The following HRAS variants were observed in gnomAD, a reference collection of about 807,000 sequenced individuals.
HRAS encodes the protein HRas proto-oncogene, GTPase, also known as GTPase HRas.
HRAS carries 11 observed loss-of-function variants against 19.8 expected under a neutral mutation model. That is an observed-to-expected ratio of 0.55 (90% CI 0.35 to 0.92). The LOEUF (loss-of-function observed/expected upper bound fraction) is 0.92, where lower values mean the gene tolerates loss of function less well. Ranked by LOEUF, HRAS falls within the 40% of genes least tolerant of loss-of-function variation. The pLI is 0.01. For synonymous variants in HRAS, 149 were observed against 105.5 expected, an observed-to-expected ratio of 1.41 and a Z score of -2.52; for missense variants, 204 against 255.9, an observed-to-expected ratio of 0.80 and a Z score of 1.38.
intron 4 of HRAS, among the ~76,000 whole-genome samples, chr11:532,979 C>A (rs114143453): frequency 6.6e-6 from 1 of 152,212 alleles, no homozygotes; most frequent in African/African-American, 2.4e-5. Context: ...CAGGGTGGCC[C>A]GGGGCCCTCC....
At chr11:532,594 C>T (rs772963290) in intron 5 of HRAS, 37 bp downstream of exon 5, 18 of 1,595,834 alleles carry the variant, frequency 1.1e-5, no homozygotes, top group African/African-American at 8.0e-5. Context: ...CGGGGTCATC[C>T]GGTGGGCGTG....
chr11:534,096 G>T (rs1851303558), intron 2 of HRAS, 116 bp downstream of exon 2: 16 of 1,169,682 alleles, frequency 1.4e-5, no homozygotes, highest in Non-Finnish European at 2.0e-5. Flanking sequence ...GAGGAAGCAG[G>T]AGACAGGGCC....
intron 4 of HRAS, 28 bp from the exon 5 acceptor site, chr11:532,783 G>A (rs1851186265): frequency 1.2e-6 from 2 of 1,609,550 alleles, no homozygotes; most frequent in South Asian, 1.1e-5. Flanking sequence ...GGATCAGGAG[G>A]GACCGGCCTG....
At chr11:535,284 ACCCACCCGCCGCCGCCGCCGCCGCCG>A (rs1192437484) in intron 1 of HRAS, 106 bp downstream of exon 1, 1 of 67,706 alleles carries the variant, frequency 1.5e-5, no homozygotes, top group East Asian at 3.4e-4. Context: ...GCCCGGCCCC[ACCCACCCGCCGCCGCCGCCGCCGCCG>A]CCGCTTACGC....
intron 1 of HRAS, chr11:534,737 G>C (rs568142856): frequency 4.1e-6 from 1 of 246,112 alleles, no homozygotes; most frequent in Non-Finnish European, 8.1e-6. Flanking sequence ...GTCTGGCCAC[G>C]GCGGAGCGCG....
chr11:533,350 G>A, intron 4 of HRAS, 103 bp downstream of exon 4: 1 of 1,606,084 alleles, frequency 6.2e-7, no homozygotes, highest in Non-Finnish European at 8.5e-7. Context: ...TAGAGCCAGA[G>A]CGGCTGCCCT....
At chr11:533,641 C>T (rs746444701) in intron 3 of HRAS, 29 bp from the exon 4 acceptor site, 4 of 1,613,314 alleles carry the variant, frequency 2.5e-6, no homozygotes, top group East Asian at 2.2e-5. Flanking sequence ...GAGCTGGCTA[C>T]GGGGGCTGCA....
chr11:533,194 C>A, intron 4 of HRAS: 1 of 1,247,160 alleles, frequency 8.0e-7, no homozygotes, highest in Non-Finnish European at 1.1e-6. Context: ...TTCCCCGGAG[C>A]TGTGTCGGCC....
Position 534,100 on chromosome 11 carries a change from C to G in HRAS, c.111+112G>C, listed in dbSNP as rs888029805. 89 of 1,164,792 alleles carry G rather than the reference C, an allele frequency of 7.6e-5. No individual in the cohort carries two copies. The African/African-American group carries it at 1.1e-3, about 14-fold the overall frequency. The allele number at this position is 1,164,792 out of a possible 1,614,324, so 72.2% of individuals were successfully genotyped here. Reference sequence around the variant, plus strand: ...CCCCTCCTCTAGAGGAAGCAGGAGACAGGGCCACAGCACCATGCAGGGGAC... The same window carrying G: ...CCCCTCCTCTAGAGGAAGCAGGAGAGAGGGCCACAGCACCATGCAGGGGAC... On this transcript the variant is annotated intron_variant, in intron 2 of 5. Transcript: ENST00000311189.
chr11:534,560 C>T (rs1851339341), intron 1 of HRAS, 185 bp from the exon 2 acceptor site: 1 of 588,820 alleles, frequency 1.7e-6, no homozygotes, highest in African/African-American at 1.9e-5. Context: ...TGTCGCCTCG[C>T]CCCCACTTGC....
rs994042792 is a variant in HRAS, at chr11:533,675, C to T, written c.291-63G>A. On this transcript the variant is annotated intron_variant, in intron 3 of 5. Transcript: ENST00000311189. ...CAGGCGCAGCGGCATCCAGGACATG[C>T]GCAGAGAGGACAGGAGGCCCCTGCC... The T allele has an allele frequency of 3.7e-6, 6 of 1,612,002 alleles. No homozygotes were observed. The Admixed American group carries it at 8.3e-5, about 22-fold the overall frequency.
intron 4 of HRAS, chr11:533,185 T>G: frequency 1.7e-6 from 2 of 1,182,766 alleles, no homozygotes; most frequent in Non-Finnish European, 2.3e-6. Flanking sequence ...ACCTCCGCCT[T>G]CCCCGGAGCT....
intron 1 of HRAS, among the ~76,000 whole-genome samples, chr11:534,812 G>A (rs1391604013): frequency 6.6e-6 from 1 of 152,222 alleles, no homozygotes; most frequent in Non-Finnish European, 1.5e-5. Context: ...CCTCCGACAA[G>A]TATTTGCTGA....
rs942936808 is a variant in HRAS, at chr11:532,486, C to A, written c.*42G>T. Reference sequence around the variant, plus strand: ...TTCCTCCTCCTTCCGTCTGCACCTCCTTCCTGCATCCGGCACCTCCATGTC... The same window carrying A: ...TTCCTCCTCCTTCCGTCTGCACCTCATTCCTGCATCCGGCACCTCCATGTC... On this transcript the variant is annotated 3_prime_UTR_variant, in exon 6 of 6. Coordinates refer to ENST00000311189, the MANE Select transcript of HRAS (RefSeq NM_005343.4). 1 of 1,078,778 alleles carries A rather than the reference C, an allele frequency of 9.3e-7. No homozygotes were observed. The highest frequency in any genetic ancestry group is 2.2e-5 in the Admixed American group (1 of 45,974). 66.8% of individuals were successfully genotyped at this position (1,078,778 alleles called of 1,614,324 possible). A position where few individuals can be genotyped will look rare whatever the true frequency, so the allele number is the denominator to read the frequency against.
rs1028352031 is a variant in HRAS, at chr11:533,922, A to T, written c.134T>A (p.Val45Asp). ...CAACAGGCACGTCTCCCCATCAATG[A>T]CCACCTGCTTCCGGTAGGAATCCTG... ...TIEDSYRKQV[V>D]IDGETCLLDI... The change falls in exon 3 of 6, where the codon GTC (valine) becomes GAC (aspartate). Residue 45 changes from valine (V) to aspartate (D), a missense_variant. Val to Asp is a radical substitution (Grantham distance 152). Coordinates refer to ENST00000311189, the MANE Select transcript of HRAS (RefSeq NM_005343.4). The T allele has an allele frequency of 3.1e-6, 5 of 1,612,438 alleles. No individual in the cohort carries two copies. Among genetic ancestry groups the T allele is most frequent in the Non-Finnish European group, 4.2e-6 (5 of 1,179,954 alleles).
chr11:533,176 C>T (rs1851211667), intron 4 of HRAS: 3 of 1,104,894 alleles, frequency 2.7e-6, no homozygotes, highest in Admixed American at 2.5e-5. Context: ...TCCCCAAGGA[C>T]CTCCGCCTTC....
rs1190177243 is a variant in HRAS, at chr11:533,751, C to T, written c.290+15G>A. On this transcript the variant is annotated intron_variant, in intron 3 of 5. Transcript: ENST00000311189. ...TGTGCGGCGTGGGCTCCCGGGCCAG[C>T]CTCACGGGGTTCACCTGTACTGGTG... is the stretch of plus-strand genomic sequence containing the variant. 1.9e-6 allele frequency: 3 copies of T among 1,613,106 alleles called. No individual in the cohort carries two copies. The East Asian group carries it at 6.7e-5, about 36-fold the overall frequency.
rs898057728 is a variant in HRAS at position 533,861 on chromosome 11, G to A, written c.195C>T (p.Ser65=). 2 of 1,613,304 alleles carry A rather than the reference G, an allele frequency of 1.2e-6. No homozygotes were observed. Among genetic ancestry groups the A allele is most frequent in the African/African-American group, 1.3e-5 (1 of 75,048 alleles). Residue 65 remains serine, a synonymous_variant, in exon 3 of 6, where the codon AGC becomes AGT. Transcript: ENST00000311189. ...ILDTAGQEEY[S]AMRDQYMRTG... Reference sequence around the variant, plus strand: ...TGCGCATGTACTGGTCCCGCATGGCGCTGTACTCCTCCTGGCCGGCGGTAT... The same window carrying A: ...TGCGCATGTACTGGTCCCGCATGGCACTGTACTCCTCCTGGCCGGCGGTAT...
rs1851272766 is a variant in HRAS at position 533,795 on chromosome 11, G to A, written c.261C>T (p.Thr87=). The change falls in exon 3 of 6, where the codon ACC becomes ACT. Residue 87 remains threonine (T), a synonymous_variant. Transcript: ENST00000311189. ...GFLCVFAINN[T]KSFEDIHQYR... ...ACTGGTGGATGTCCTCAAAAGACTT[G>A]GTGTTGTTGATGGCAAACACACACA... 2 of 1,613,366 alleles carry A rather than the reference G, an allele frequency of 1.2e-6. No individual in the cohort carries two copies. The highest frequency in any genetic ancestry group is 1.7e-5 in the Admixed American group (1 of 60,016).
Sources: allele counts gnomAD v4.1 joint callset (sites outside exome capture counted in the v4.1 genomes callset), GRCh38; gene constraint gnomAD v4.1.1; transcripts MANE v1.5; gene names NCBI Gene and HGNC (gene_info 2026-07-23, HGNC 2026-07-21).